The following GRK4 variants were observed in gnomAD, a reference collection of about 807,000 sequenced individuals.
GRK4 encodes the protein G protein-coupled receptor kinase 2-like.
A neutral mutation model predicts 77.9 loss-of-function variants in GRK4; 73 were observed. The observed-to-expected ratio is 0.94, with a 90% CI of 0.78 to 1.14. The LOEUF is 1.14. GRK4 is among the 50% of genes most tolerant of loss of function. GRK4 has a pLI of 0.00. For synonymous variants in GRK4, 257 were observed against 254.4 expected, an observed-to-expected ratio of 1.01 and a Z score of -0.10; for missense variants, 729 against 700.2, an observed-to-expected ratio of 1.04 and a Z score of -0.46.
intron 1 of GRK4, among the ~76,000 whole-genome samples, chr4:2,981,676 C>A (rs1722909872): frequency 6.6e-6 from 1 of 152,202 alleles, no homozygotes; most frequent in Admixed American, 6.5e-5. Flanking sequence ...TGGGCGGGCC[C>A]AGAAAAACCA....
intron 4 of GRK4, among the ~76,000 whole-genome samples, chr4:2,994,954 C>T (rs1479200522): frequency 6.6e-6 from 1 of 152,130 alleles, no homozygotes; most frequent in African/African-American, 2.4e-5. Context: ...CTCCAATAGG[C>T]CCCATTGTGT....
At position 2,988,075 on chromosome 4, in the gene GRK4, C is replaced by CAAAAAAAAAAAAAAAAAAAAAAAAAA. The variant is rs67664476; in HGVS notation, c.149-628_149-627insAAAAAAAAAAAAAAAAAAAAAAAAAA. On this transcript the variant is annotated intron_variant, in intron 2 of 15. Transcript: ENST00000398052. ...TGGATGACAGAGTGAGGCTCTGTCT[C>CAAAAAAAAAAAAAAAAAAAAAAAAAA]AAAAAAAAAAAAAAAAAAAAAAAAG... 2.8e-3 allele frequency among the ~76,000 whole-genome samples: 94 copies of CAAAAAAAAAAAAAAAAAAAAAAAAAA among 33,658 alleles called. 2 individuals carry two copies. Among genetic ancestry groups the CAAAAAAAAAAAAAAAAAAAAAAAAAA allele is most frequent in the African/African-American group, 3.3e-3 (29 of 8,682 alleles). 22.1% of individuals were successfully genotyped at this position (33,658 alleles called of 152,430 possible). A position where few individuals can be genotyped will look rare whatever the true frequency, so the allele number is the denominator to read the frequency against.
chr4:3,018,488 G>C (rs1735178947), intron 8 of GRK4, among the ~76,000 whole-genome samples: 1 of 152,114 alleles, frequency 6.6e-6, no homozygotes, highest in South Asian at 2.1e-4. Flanking sequence ...GGGCAACATA[G>C]CAAGACCCTG....
At chr4:3,010,618 A>G (rs1403996041) in intron 7 of GRK4, among the ~76,000 whole-genome samples, 2 of 152,130 alleles carry the variant, frequency 1.3e-5, no homozygotes, top group Non-Finnish European at 2.9e-5. Flanking sequence ...TGGGGATTTA[A>G]AGAGATATTA....
chr4:3,004,482 A>T (rs1255499809), intron 5 of GRK4, 148 bp downstream of exon 5: 2 of 554,200 alleles, frequency 3.6e-6, no homozygotes, highest in Non-Finnish European at 6.5e-6. Context: ...GACACCACCC[A>T]ACCTTCTGCG....
At chr4:3,035,208 G>A (rs1740263402) in intron 12 of GRK4, among the ~76,000 whole-genome samples, 178 bp from the exon 13 acceptor site, 1 of 151,882 alleles carries the variant, frequency 6.6e-6, no homozygotes. Context: ...TCGCACCACT[G>A]CACTCCAGCC....
At chr4:3,040,522 T>C in intron 15 of GRK4, 50 bp from the exon 16 acceptor site, 6 of 1,537,882 alleles carry the variant, frequency 3.9e-6, no homozygotes, top group Non-Finnish European at 5.3e-6. Context: ...TTAAGGAAAG[T>C]GAAACCTTCG....
At chr4:2,965,211 C>T in intron 1 of GRK4, 1 of 693,628 alleles carries the variant, frequency 1.4e-6, no homozygotes, top group Non-Finnish European at 2.6e-6. Flanking sequence ...ACATAAATAT[C>T]CTCCTGTTTT....
Position 2,992,561 on chromosome 4 carries a change from T to C in GRK4, c.339+269T>C, listed in dbSNP as rs571633819. On this transcript the variant is annotated intron_variant, in intron 4 of 15. Transcript: ENST00000398052. ...AGCTGGACATGGTGGTGTGCATCTG[T>C]AGTCCCAGCTACTTGGGAGGTGAGG... Among the ~76,000 whole-genome samples the C allele has an allele frequency of 3.3e-5, 5 of 152,188 alleles. No homozygotes were observed. The East Asian group carries it at 9.7e-4, about 29-fold the overall frequency.
intron 6 of GRK4, 39 bp from the exon 7 acceptor site, chr4:3,009,609 G>T: frequency 6.7e-7 from 1 of 1,481,704 alleles, no homozygotes; most frequent in Non-Finnish European, 9.4e-7. Flanking sequence ...AAAGAACAAT[G>T]CAATGTGAGA....
chr4:2,981,376 G>A (rs1021175963), intron 1 of GRK4, among the ~76,000 whole-genome samples: 18 of 152,224 alleles, frequency 1.2e-4, no homozygotes, highest in African/African-American at 4.3e-4. Context: ...GCAAGAAGAG[G>A]TGCTTTATTG....
At chr4:3,030,574 A>G (rs568309824) in intron 12 of GRK4, among the ~76,000 whole-genome samples, 2 of 152,182 alleles carry the variant, frequency 1.3e-5, no homozygotes, top group South Asian at 4.2e-4. Flanking sequence ...AAATGCATAG[A>G]CGTGTGGGCT....
chr4:2,975,933 G>T (rs991970027), intron 1 of GRK4, among the ~76,000 whole-genome samples: 1 of 152,200 alleles, frequency 6.6e-6, no homozygotes, highest in African/African-American at 2.4e-5. Flanking sequence ...CATGCTGAAA[G>T]TTGTTTGACC....
At position 3,029,301 on chromosome 4, in the gene GRK4, A is replaced by G; in HGVS notation, c.1161A>G (p.Lys387=). ...YEMIQGHSPF[K]KYKEKVKWEE... ...TGATTCAGGGACATTCTCCATTCAA[A>G]AAATACAAAGAGAAAGTCAAATGGG... The change falls in exon 12 of 16, where the codon AAA becomes AAG. Residue 387 remains lysine, a synonymous_variant. Transcript: ENST00000398052. 6.2e-7 allele frequency: 1 copy of G among 1,614,140 alleles called. No individual in the cohort carries two copies. Among genetic ancestry groups the G allele is most frequent in the South Asian group, 1.1e-5 (1 of 91,088 alleles).
intron 13 of GRK4, among the ~76,000 whole-genome samples, chr4:3,036,933 G>C (rs773013344): frequency 6.6e-6 from 1 of 152,172 alleles, no homozygotes; most frequent in East Asian, 1.9e-4. Flanking sequence ...ACACTTCTCC[G>C]GTTCTGTGCT....
intron 12 of GRK4, among the ~76,000 whole-genome samples, chr4:3,033,059 G>A (rs1031124498): frequency 1.3e-5 from 2 of 152,194 alleles, no homozygotes; most frequent in Non-Finnish European, 2.9e-5. Flanking sequence ...CTGCAGATTT[G>A]GTGTTGGTGA....
intron 12 of GRK4, among the ~76,000 whole-genome samples, chr4:3,034,265 C>T (rs1413559491): frequency 6.6e-6 from 1 of 152,100 alleles, no homozygotes; most frequent in East Asian, 1.9e-4. Context: ...GAGCTGAGAG[C>T]GGTGGGAGAT....
chr4:3,037,275 GT>G, intron 13 of GRK4, 98 bp from the exon 14 acceptor site: 1 of 1,213,312 alleles, frequency 8.2e-7, no homozygotes. Flanking sequence ...GAGTGGCGGT[GT>G]TTATGCGTCA....
chr4:3,029,883 A>G (rs1738682252), intron 12 of GRK4, among the ~76,000 whole-genome samples: 1 of 152,222 alleles, frequency 6.6e-6, no homozygotes, highest in African/African-American at 2.4e-5. Context: ...GTTTCCAGAC[A>G]TGATCTGGAA....
Sources: gnomAD v4.1 joint callset for allele counts (sites outside exome capture counted in the v4.1 genomes callset) on GRCh38, gnomAD v4.1.1 for gene constraint, MANE v1.5 for transcripts, NCBI Gene and HGNC (gene_info 2026-07-23, HGNC 2026-07-21) for gene names.